The following NUP155 variants were observed in gnomAD, a reference collection of about 807,000 sequenced individuals.
The protein encoded by NUP155 is nucleoporin 155.
NUP155 carries 71 observed loss-of-function variants against 180.4 expected under a neutral mutation model. The ratio of observed to expected loss-of-function variants is 0.39; its 90% CI spans 0.33 to 0.48. The LOEUF (loss-of-function observed/expected upper bound fraction) is 0.48. NUP155 is among the 20% of genes least tolerant of loss of function. The probability of loss-of-function intolerance (pLI) is 0.91; values close to 1 mark genes in which losing one functional copy is unlikely to be tolerated. For synonymous variants in NUP155, 582 were observed against 559.5 expected (o/e 1.04, Z -0.57); for missense variants, 1,553 against 1,648.9 (o/e 0.94, Z 1.01).
At chr5:37,333,441 C>A in intron 13 of NUP155, 22 bp downstream of exon 13, 1 of 1,607,704 alleles carries the variant, frequency 6.2e-7, no homozygotes, top group Non-Finnish European at 8.5e-7. Context: ...TTTGTCACTA[C>A]CATAACAGAA....
chr5:37,307,175 G>T, intron 25 of NUP155, 122 bp downstream of exon 25: 2 of 942,718 alleles, frequency 2.1e-6, no homozygotes, highest in Non-Finnish European at 3.2e-6. Context: ...TCCAGCCCAG[G>T]TGACAGAGCA....
intron 3 of NUP155, among the ~76,000 whole-genome samples, chr5:37,363,403 C>CA (rs1173026444): frequency 6.6e-6 from 1 of 152,156 alleles, no homozygotes; most frequent in Non-Finnish European, 1.5e-5. Context: ...ACCAGACCAA[C>CA]ATGCTGTATT....
At chr5:37,297,369 A>G (rs75983513) in intron 32 of NUP155, among the ~76,000 whole-genome samples, 24,260 of 151,738 alleles carry the variant, frequency 0.16, 1,979 homozygotes, top group South Asian at 0.2. Flanking sequence ...AGAACTATGT[A>G]CAATACAGTG....
At position 37,310,583 on chromosome 5, in the gene NUP155, A is replaced by G; in HGVS notation, c.2597T>C (p.Leu866Pro). The G allele has an allele frequency of 6.2e-7, 1 of 1,613,502 alleles. No individual in the cohort carries two copies. Among genetic ancestry groups the G allele is most frequent in the South Asian group, 1.1e-5 (1 of 91,048 alleles). The change falls in exon 23 of 35, where the codon CTA becomes CCA. Residue 866 changes from leucine (L) to proline (P), a missense_variant. Transcript: ENST00000231498. ...SLHLQDICPL[L>P]YSTDDAICSK... ...ACAAATTGCATCATCAGTGCTATATAGAAGTGGGCAGATATCCTGTAAATG... is the reference window on the plus strand; with the variant it reads ...ACAAATTGCATCATCAGTGCTATATGGAAGTGGGCAGATATCCTGTAAATG...
intron 11 of NUP155, among the ~76,000 whole-genome samples, chr5:37,338,872 C>A (rs1346510454): frequency 6.6e-6 from 1 of 151,730 alleles, no homozygotes; most frequent in Non-Finnish European, 1.5e-5. Flanking sequence ...TAGGGCATAT[C>A]TTGCAGTCAA....
rs938044706 is a variant in NUP155, at chr5:37,338,121, C to A, written c.1247-203G>T. Among the ~76,000 whole-genome samples, 5 of 151,934 alleles carry A rather than the reference C, an allele frequency of 3.3e-5. No individual in the cohort carries two copies. The East Asian group carries it at 9.8e-4, about 30-fold the overall frequency. The stretch of plus-strand genomic sequence containing the variant: ...GGATCACGAGGTCAGGAGTCCAAGA[C>A]CAGCCTAATCAACATGGTGAAACCC... On this transcript the variant is annotated intron_variant, in intron 11 of 34. Coordinates refer to ENST00000231498, the MANE Select transcript of NUP155 (RefSeq NM_153485.3).
chr5:37,342,639 C>A lies in NUP155; in HGVS notation c.1003G>T (p.Asp335Tyr). The A allele has an allele frequency of 1.2e-6, 2 of 1,600,466 alleles. No individual in the cohort carries two copies. The highest frequency in any genetic ancestry group is 1.7e-6 in the Non-Finnish European group (2 of 1,167,918). Residue 335 changes from aspartate to tyrosine, a missense_variant, in exon 10 of 35, where the codon GAT (aspartate) becomes TAT (tyrosine). Coordinates refer to ENST00000231498, the MANE Select transcript of NUP155 (RefSeq NM_153485.3). ...ACAATTGGTTTAAAAACAGAACGATCGATGGTCCTAAAAGAAAGGAGAAAA... is the reference window on the plus strand; with the variant it reads ...ACAATTGGTTTAAAAACAGAACGATAGATGGTCCTAAAAGAAAGGAGAAAA... ...SAAGNIARTI[D>Y]RSVFKPIVQI... is the part of the protein sequence containing the mutation.
In NUP155 at chr5:37,325,971, G is replaced by GA. The variant is rs761814194; in HGVS notation, c.2025-5dup. 5,243 of 1,479,688 alleles carry GA rather than the reference G, an allele frequency of 3.5e-3. No individual in the cohort carries two copies. The highest frequency in any genetic ancestry group is 4.2e-3 in the Non-Finnish European group (4,544 of 1,085,106). 91.7% of individuals were successfully genotyped at this position (1,479,688 alleles called of 1,614,324 possible). On this transcript the variant is annotated splice_region_variant and splice_polypyrimidine_tract_variant and intron_variant, in intron 18 of 34. Coordinates refer to ENST00000231498, the MANE Select transcript of NUP155 (RefSeq NM_153485.3). ...TAAGCTTGCATCCCAAATGTTTCTGGAAAAAAAAAAGTTTTAATGATTGTG... is the reference window on the plus strand; with the variant it reads ...TAAGCTTGCATCCCAAATGTTTCTGGAAAAAAAAAAAGTTTTAATGATTGTG...
chr5:37,336,810 C>G (rs2150972136), intron 12 of NUP155, among the ~76,000 whole-genome samples: 1 of 152,274 alleles, frequency 6.6e-6, no homozygotes, highest in East Asian at 1.9e-4. Context: ...AGACAATACT[C>G]CCATCCCTGG....
At chr5:37,322,691 A>T (rs1047595919) in intron 20 of NUP155, among the ~76,000 whole-genome samples, 25 of 140,670 alleles carry the variant, frequency 1.8e-4, no homozygotes, top group Non-Finnish European at 3.7e-4. Context: ...TGGGCGACAG[A>T]GCGAGACTCT....
At chr5:37,358,938 A>T (rs565790825) in intron 3 of NUP155, among the ~76,000 whole-genome samples, 1 of 150,580 alleles carries the variant, frequency 6.6e-6, no homozygotes, top group Non-Finnish European at 1.5e-5. Flanking sequence ...AATCACTTGA[A>T]CCCGGGAGGC....
Position 37,292,984 on chromosome 5 carries a change from T to A in NUP155, c.3932A>T (p.Asp1311Val). The A allele has an allele frequency of 6.3e-7, 1 of 1,576,210 alleles. No homozygotes were observed. The highest frequency in any genetic ancestry group is 8.7e-7 in the Non-Finnish European group (1 of 1,145,804). ...EVYDQLFKSR[D>V]PFWNRMKKPL... ...CTTCTTCATTCTGTTCCAGAATGGA[T>A]CCTATGAAGAAATATACATAATGAA... The change falls in exon 34 of 35, where the codon GAT becomes GTT. Residue 1311 changes from aspartate (D) to valine (V), a missense_variant and splice_region_variant. Coordinates refer to ENST00000231498, the MANE Select transcript of NUP155 (RefSeq NM_153485.3).
At chr5:37,296,440 G>A (rs1742576187) in intron 32 of NUP155, among the ~76,000 whole-genome samples, 1 of 151,948 alleles carries the variant, frequency 6.6e-6, no homozygotes, top group African/African-American at 2.4e-5. Context: ...ATTAAGGGCG[G>A]TGCAAGATGT....
chr5:37,317,865 T>C (rs953069579), intron 21 of NUP155, 123 bp downstream of exon 21: 3 of 747,440 alleles, frequency 4.0e-6, no homozygotes, highest in Admixed American at 3.5e-5. Flanking sequence ...ATTACACTGA[T>C]ATTTTAATTA....
In NUP155 at chr5:37,289,555, C is replaced by G. The variant is rs1470136395; in HGVS notation, c.*2345G>C. The G allele has an allele frequency of 6.6e-6, 1 of 152,130 alleles. No individual in the cohort carries two copies. The highest frequency in any genetic ancestry group is 1.5e-5 in the Non-Finnish European group (1 of 68,024). 9.4% of individuals were successfully genotyped at this position (152,130 alleles called of 1,614,324 possible). On this transcript the variant is annotated 3_prime_UTR_variant, in exon 35 of 35. Transcript: ENST00000231498. Reference sequence around the variant, plus strand: ...TCTTCTCTCTTAGGAATCTTACCCCCCAAAAGGTATTGCAAGCATCTGTTG... The same window carrying G: ...TCTTCTCTCTTAGGAATCTTACCCCGCAAAAGGTATTGCAAGCATCTGTTG...
In NUP155 at chr5:37,348,616, C is replaced by T. The variant is rs972043100; in HGVS notation, c.904-20G>A. 4 of 1,366,066 alleles carry T rather than the reference C, an allele frequency of 2.9e-6. No individual in the cohort carries two copies. The highest frequency in any genetic ancestry group is 2.1e-6 in the Non-Finnish European group (2 of 953,866). 84.6% of individuals were successfully genotyped at this position (1,366,066 alleles called of 1,614,324 possible). On this transcript the variant is annotated intron_variant, in intron 8 of 34. Transcript: ENST00000231498. ...ATACACCTGTGAATACAAAATCATT[C>T]TCACTTAAACATGATTATATACTAT...
intron 4 of NUP155, among the ~76,000 whole-genome samples, chr5:37,357,281 C>A (rs1030964335): frequency 6.6e-6 from 1 of 150,978 alleles, no homozygotes; most frequent in Non-Finnish European, 1.5e-5. Flanking sequence ...ACTGTAGTCC[C>A]AGCTACTTGG....
chr5:37,301,102 C>A (rs1446344356), intron 30 of NUP155: 1 of 309,072 alleles, frequency 3.2e-6, no homozygotes, highest in Admixed American at 4.6e-5. Context: ...GGATTACAGG[C>A]GTGAGCCACA....
intron 32 of NUP155, among the ~76,000 whole-genome samples, chr5:37,298,220 A>G (rs1742688673): frequency 6.6e-6 from 1 of 151,516 alleles, no homozygotes; most frequent in Non-Finnish European, 1.5e-5. Context: ...CCTGGGCGAC[A>G]GAGAAAGCCT....
Sources: gnomAD v4.1 joint callset for allele counts (sites outside exome capture counted in the v4.1 genomes callset) on GRCh38, gnomAD v4.1.1 for gene constraint, MANE v1.5 for transcripts, NCBI Gene and HGNC (gene_info 2026-07-23, HGNC 2026-07-21) for gene names.